RALGAPA2: variants seen among roughly 807,000 people sequenced by gnomAD.
RALGAPA2 encodes Ral GTPase activating protein catalytic subunit alpha 2, also known as ral GTPase-activating protein subunit alpha-2.
Under a neutral mutation model 230.4 loss-of-function variants are expected in RALGAPA2, and 139 were observed. That is an observed-to-expected ratio of 0.60 (90% CI 0.53 to 0.69). The LOEUF (loss-of-function observed/expected upper bound fraction) is 0.69. Ranked by LOEUF, RALGAPA2 falls within the 30% of genes least tolerant of loss-of-function variation. RALGAPA2 has a pLI of 0.00. For missense variants in RALGAPA2, 2,163 were observed against 2,276.0 expected, an observed-to-expected ratio of 0.95 and a Z score of 1.01; for synonymous variants, 847 against 837.8, an observed-to-expected ratio of 1.01 and a Z score of -0.19.
intron 36 of RALGAPA2, among the ~76,000 whole-genome samples, chr20:20,491,184 C>G (rs2062046660): frequency 6.6e-6 from 1 of 152,176 alleles, no homozygotes; most frequent in Non-Finnish European, 1.5e-5. Context: ...GGTGTCCCAT[C>G]TCCTGTCTTA....
intron 38 of RALGAPA2, among the ~76,000 whole-genome samples, chr20:20,411,752 C>A (rs2060064675): frequency 6.6e-6 from 1 of 152,224 alleles, no homozygotes. Flanking sequence ...GAAACCCACA[C>A]TCCTGAATGA....
chr20:20,632,564 G>A (rs187489232), intron 9 of RALGAPA2, among the ~76,000 whole-genome samples: 1 of 152,278 alleles, frequency 6.6e-6, no homozygotes, highest in Admixed American at 6.5e-5. Flanking sequence ...GAGAGGAAAG[G>A]TTACACCCAT....
At chr20:20,458,132 A>G (rs2061167370) in intron 37 of RALGAPA2, among the ~76,000 whole-genome samples, 1 of 152,176 alleles carries the variant, frequency 6.6e-6, no homozygotes, top group South Asian at 2.1e-4. Context: ...TGCTCCCACA[A>G]AAGAAAAGGA....
chr20:20,396,708 T>A lies in RALGAPA2; in HGVS notation c.*22A>T. The A allele has an allele frequency of 3.7e-6, 6 of 1,610,482 alleles. No homozygotes were observed. Among genetic ancestry groups the A allele is most frequent in the Non-Finnish European group, 5.1e-6 (6 of 1,177,110 alleles). The stretch of plus-strand genomic sequence containing the variant: ...TGTCTGTCTTACCTTGCTCAAATAT[T>A]GAAATGAGACCTTTACGTGTTTTAA... On this transcript the variant is annotated 3_prime_UTR_variant, in exon 39 of 40. Transcript: ENST00000202677.
rs564500187 is a variant in RALGAPA2 at position 20,668,212 on chromosome 20, G to T, written c.270+8024C>A. Reference sequence around the variant, plus strand: ...GAGGCCAGGAGTTTGAGACCAGCCTGACCAATATGGTAAAATCTCATCTCT... The same window carrying T: ...GAGGCCAGGAGTTTGAGACCAGCCTTACCAATATGGTAAAATCTCATCTCT... On this transcript the variant is annotated intron_variant, in intron 3 of 39. Coordinates refer to ENST00000202677, the MANE Select transcript of RALGAPA2 (RefSeq NM_020343.4). Among the ~76,000 whole-genome samples the T allele has an allele frequency of 2.0e-5, 3 of 152,262 alleles. No homozygotes were observed. The South Asian group carries it at 6.2e-4, about 32-fold the overall frequency.
chr20:20,680,655 G>C, intron 2 of RALGAPA2, 36 bp downstream of exon 2: 1 of 1,495,630 alleles, frequency 6.7e-7, no homozygotes, highest in Non-Finnish European at 8.9e-7. Flanking sequence ...AAAAATGCCC[G>C]AATGTTTTTT....
At chr20:20,630,696 G>A (rs919374513) in intron 9 of RALGAPA2, among the ~76,000 whole-genome samples, 4 of 152,084 alleles carry the variant, frequency 2.6e-5, no homozygotes, top group Non-Finnish European at 4.4e-5. Flanking sequence ...ATGACTCAAG[G>A]ATGAGTATGG....
chr20:20,695,012 A>G (rs2069058130), intron 1 of RALGAPA2, among the ~76,000 whole-genome samples: 1 of 152,216 alleles, frequency 6.6e-6, no homozygotes, highest in Non-Finnish European at 1.5e-5. Context: ...GGCGTTCGAG[A>G]AAGGGATTTT....
chr20:20,575,808 T>C (rs1430102735), intron 20 of RALGAPA2, among the ~76,000 whole-genome samples: 5 of 152,176 alleles, frequency 3.3e-5, no homozygotes, highest in African/African-American at 1.2e-4. Flanking sequence ...CCACCTGTTC[T>C]GCAACTTCAA....
intron 20 of RALGAPA2, among the ~76,000 whole-genome samples, chr20:20,576,453 G>T (rs1218356692): frequency 6.6e-6 from 1 of 151,872 alleles, no homozygotes; most frequent in Non-Finnish European, 1.5e-5. Flanking sequence ...TTCCTCAATT[G>T]GAATCTATTG....
intron 19 of RALGAPA2, among the ~76,000 whole-genome samples, chr20:20,583,637 C>T (rs1456271063): frequency 6.6e-6 from 1 of 152,152 alleles, no homozygotes; most frequent in Non-Finnish European, 1.5e-5. Context: ...TCTAAAGATG[C>T]TGTATGCCCC....
intron 1 of RALGAPA2, among the ~76,000 whole-genome samples, chr20:20,698,187 T>C (rs2069193301): frequency 6.6e-6 from 1 of 152,016 alleles, no homozygotes; most frequent in Non-Finnish European, 1.5e-5. Flanking sequence ...CCAGGGGTGA[T>C]GAAAATGTTT....
At chr20:20,472,744 T>C in intron 37 of RALGAPA2, 85 bp downstream of exon 37, 1 of 1,466,778 alleles carries the variant, frequency 6.8e-7, no homozygotes, top group Admixed American at 2.5e-5. Context: ...CAATTCAGTT[T>C]TGAATACTTA....
At chr20:20,509,067 C>T (rs1018865037) in intron 33 of RALGAPA2, among the ~76,000 whole-genome samples, 2 of 152,294 alleles carry the variant, frequency 1.3e-5, no homozygotes, top group African/African-American at 2.4e-5. Flanking sequence ...ATTCAGCATA[C>T]GCTTAAAAAG....
chr20:20,585,844 A>C (rs2065118712), intron 18 of RALGAPA2, among the ~76,000 whole-genome samples: 1 of 152,194 alleles, frequency 6.6e-6, no homozygotes, highest in South Asian at 2.1e-4. Context: ...CCTTAGGTTC[A>C]AGTGGGGAAC....
intron 38 of RALGAPA2, among the ~76,000 whole-genome samples, chr20:20,399,479 TC>T (rs1167699272): frequency 6.6e-6 from 1 of 152,100 alleles, no homozygotes; most frequent in African/African-American, 2.4e-5. Flanking sequence ...TGAGTGAGAC[TC>T]CTCGGGGACA....
intron 36 of RALGAPA2, among the ~76,000 whole-genome samples, chr20:20,480,799 A>G (rs955407724): frequency 1.3e-5 from 2 of 152,226 alleles, no homozygotes; most frequent in African/African-American, 4.8e-5. Context: ...AGAACCTTAT[A>G]GCAGTATTTC....
At chr20:20,513,308 T>C in intron 31 of RALGAPA2, 24 bp from the exon 32 acceptor site, 1 of 1,396,252 alleles carries the variant, frequency 7.2e-7, no homozygotes, top group Non-Finnish European at 9.3e-7. Flanking sequence ...TAAAGAAACA[T>C]AAAGAGTCAG....
At chr20:20,581,439 CA>C (rs2064980319) in intron 20 of RALGAPA2, among the ~76,000 whole-genome samples, 1 of 152,076 alleles carries the variant, frequency 6.6e-6, no homozygotes, top group Non-Finnish European at 1.5e-5. Context: ...TTAATTTTAA[CA>C]GGAACACAGT....
Sources: allele counts gnomAD v4.1 joint callset (sites outside exome capture counted in the v4.1 genomes callset), GRCh38; gene constraint gnomAD v4.1.1; transcripts MANE v1.5; gene names NCBI Gene and HGNC (gene_info 2026-07-23, HGNC 2026-07-21).